Variants in SP3 observed in about 807,000 individuals in gnomAD.
The protein encoded by SP3 is Sp3 transcription factor.
SP3 carries 10 observed loss-of-function variants against 70.3 expected under a neutral mutation model. The ratio of observed to expected loss-of-function variants is 0.14; its 90% CI spans 0.09 to 0.24. The LOEUF is 0.24. Among genes scored for constraint, SP3 ranks in the 10% least tolerant of loss-of-function variants. SP3 has a pLI of 1.00. For missense variants in SP3, 825 were observed against 914.6 expected (o/e 0.90, Z 1.26); for synonymous variants, 402 against 333.5 (o/e 1.21, Z -2.24).
chr2:173,932,459 G>A (rs1307118158), intron 4 of SP3, among the ~76,000 whole-genome samples: 1 of 152,122 alleles, frequency 6.6e-6, no homozygotes, highest in Non-Finnish European at 1.5e-5. Flanking sequence ...CCAAAGTGCT[G>A]GGATTACAGG....
Position 173,908,979 on chromosome 2 carries a change from T to A in SP3, c.*962A>T, listed in dbSNP as rs1009225050. 6.6e-6 allele frequency: 1 copy of A among 152,426 alleles called. No individual in the cohort carries two copies. Among genetic ancestry groups the A allele is most frequent in the Non-Finnish European group, 1.5e-5 (1 of 67,896 alleles). The allele number at this position is 152,426 out of a possible 1,614,324, so 9.4% of individuals were successfully genotyped here. A position where few individuals can be genotyped will look rare whatever the true frequency, so the allele number is the denominator to read the frequency against. On this transcript the variant is annotated 3_prime_UTR_variant, in exon 7 of 7. Transcript: ENST00000310015. ...CTTCTATGACTAATATCCATATGGT[T>A]GGAGTATCGTCACTATGGAAGTGAT...
chr2:173,945,357 C>T (rs1690507653), intron 4 of SP3, among the ~76,000 whole-genome samples: 1 of 152,150 alleles, frequency 6.6e-6, no homozygotes, highest in Non-Finnish European at 1.5e-5. Flanking sequence ...AAAAACTACA[C>T]CTCAAAGTTT....
At chr2:173,944,059 CAT>C (rs1164441266) in intron 4 of SP3, among the ~76,000 whole-genome samples, 1 of 152,216 alleles carries the variant, frequency 6.6e-6, no homozygotes, top group Non-Finnish European at 1.5e-5. Flanking sequence ...GGACCACCAT[CAT>C]ATATGTGGTT....
At chr2:173,919,215 T>C (rs1285978835) in intron 4 of SP3, among the ~76,000 whole-genome samples, 3 of 152,218 alleles carry the variant, frequency 2.0e-5, no homozygotes, top group Admixed American at 1.3e-4. Flanking sequence ...AGTCAGTTCA[T>C]ATAGATGAGA....
At chr2:173,927,214 A>G (rs1689940692) in intron 4 of SP3, among the ~76,000 whole-genome samples, 2 of 151,902 alleles carry the variant, frequency 1.3e-5, no homozygotes, top group South Asian at 2.1e-4. Context: ...TTCCTCCCAC[A>G]TTGGGGATTA....
Position 173,963,940 on chromosome 2 carries a change from G to A in SP3, c.157-57C>T, listed in dbSNP as rs949038537. ...ACAGGGGGAGGGGGTGGCGGTTAGG[G>A]TCGGGCCGCCTTTCGCACAGGAAGT... On this transcript the variant is annotated intron_variant, in intron 2 of 6. Transcript: ENST00000310015. The A allele has an allele frequency of 8.3e-4, 1,045 of 1,266,202 alleles. 1 individual carries two copies. The highest frequency in any genetic ancestry group is 1.0e-3 in the Non-Finnish European group (968 of 952,780). 78.4% of individuals were successfully genotyped at this position (1,266,202 alleles called of 1,614,324 possible).
intron 5 of SP3, 108 bp from the exon 6 acceptor site, chr2:173,913,374 A>C (rs562067055): frequency 1.2e-6 from 1 of 836,986 alleles, no homozygotes; most frequent in South Asian, 4.5e-5. Context: ...AGACATTATC[A>C]TTACAAAGTC....
At position 173,904,699 on chromosome 2, in the gene SP3, T is replaced by C. The variant is rs1358994638; in HGVS notation, c.*5242A>G. Among the ~76,000 whole-genome samples, 1 of 152,214 alleles carries C rather than the reference T, an allele frequency of 6.6e-6. No homozygotes were observed. Among genetic ancestry groups the C allele is most frequent in the Non-Finnish European group, 1.5e-5 (1 of 68,044 alleles). ...CAACTTTGACCAGATGTCCACTCCT[T>C]GTCTGATTTCTGAACAGCTCCTCAC... On this transcript the variant is annotated 3_prime_UTR_variant, in exon 7 of 7. Coordinates refer to ENST00000310015, the MANE Select transcript of SP3 (RefSeq NM_003111.5).
rs892988279 is a variant in SP3, at chr2:173,902,087, G to C, written c.*7854C>G. ...GGACTACCACACCTGGGCAGGGCTT[G>C]ACTGAGAGATAGAAGGTGGAACCAG... On this transcript the variant is annotated 3_prime_UTR_variant, in exon 7 of 7. Coordinates refer to ENST00000310015, the MANE Select transcript of SP3 (RefSeq NM_003111.5). Among the ~76,000 whole-genome samples, 3 of 152,196 alleles carry C rather than the reference G, an allele frequency of 2.0e-5. No individual in the cohort carries two copies. The highest frequency in any genetic ancestry group is 1.3e-4 in the Admixed American group (2 of 15,282).
rs1174348131 is a variant in SP3 at position 173,964,684 on chromosome 2, C to CCGG, written c.8-134_8-132dup. On this transcript the variant is annotated intron_variant, in intron 1 of 6. Coordinates refer to ENST00000310015, the MANE Select transcript of SP3 (RefSeq NM_003111.5). ...CCCCTTCCCCTCCCCCACCCGCCCC[C>CCGG]CGGCGGCGGCGGCGGCGGCGGCTCC... 2.0e-3 allele frequency: 774 copies of CCGG among 378,268 alleles called. 6 individuals are homozygous for CCGG. The highest frequency in any genetic ancestry group is 2.9e-3 in the Middle Eastern group (4 of 1,366). 23.4% of individuals were successfully genotyped at this position (378,268 alleles called of 1,614,324 possible).
chr2:173,962,901 A>AT (rs776886993), intron 3 of SP3: 5 of 152,208 alleles, frequency 3.3e-5, no homozygotes, highest in Non-Finnish European at 7.3e-5. Flanking sequence ...AACCCCTCAT[A>AT]TAACACAGGC....
chr2:173,907,337 GAA>G lies in SP3; in HGVS notation c.*2602_*2603del, dbSNP rs1430330762. Reference sequence around the variant, plus strand: ...ACAATACTAATAGGTTTTATAACCAGAAAAAGTTGACATCAGAGCAAATCTTC... The same window carrying G: ...ACAATACTAATAGGTTTTATAACCAGAAAGTTGACATCAGAGCAAATCTTC... On this transcript the variant is annotated 3_prime_UTR_variant, in exon 7 of 7. Coordinates refer to ENST00000310015, the MANE Select transcript of SP3 (RefSeq NM_003111.5). The G allele has an allele frequency of 6.6e-6, 1 of 152,004 alleles. No individual in the cohort carries two copies. Among genetic ancestry groups the G allele is most frequent in the African/African-American group, 2.4e-5 (1 of 41,414 alleles). 9.4% of individuals were successfully genotyped at this position (152,004 alleles called of 1,614,324 possible).
Position 173,926,811 on chromosome 2 carries a change from T to TA in SP3, c.1640-8027dup, listed in dbSNP as rs926845893. 4.6e-5 allele frequency among the ~76,000 whole-genome samples: 7 copies of TA among 152,032 alleles called. No individual in the cohort carries two copies. In the South Asian group the frequency reaches 6.2e-4, roughly 14 times the overall value. ...CTTGAAGTCGTTTCTTAAAATATTC[T>TA]AAAAAAAATAGCCATGACAGAACAG... On this transcript the variant is annotated intron_variant, in intron 4 of 6. Coordinates refer to ENST00000310015, the MANE Select transcript of SP3 (RefSeq NM_003111.5).
At chr2:173,912,605 T>A (rs767921839) in intron 6 of SP3, among the ~76,000 whole-genome samples, 1 of 152,174 alleles carries the variant, frequency 6.6e-6, no homozygotes, top group Non-Finnish European at 1.5e-5. Flanking sequence ...CACATCAACA[T>A]TGCCTTGGTT....
chr2:173,962,766 A>C (rs2105507960), intron 3 of SP3, among the ~76,000 whole-genome samples: 1 of 152,194 alleles, frequency 6.6e-6, no homozygotes, highest in East Asian at 1.9e-4. Context: ...ATGATCCACC[A>C]CACACACACA....
intron 4 of SP3, among the ~76,000 whole-genome samples, chr2:173,948,492 C>T: frequency 6.6e-6 from 1 of 152,076 alleles, no homozygotes; most frequent in East Asian, 1.9e-4. Context: ...GTTTCAGGAT[C>T]CACTGGGGGT....
At chr2:173,956,335 T>C in intron 3 of SP3, 103 bp from the exon 4 acceptor site, 1 of 1,249,036 alleles carries the variant, frequency 8.0e-7, no homozygotes. Context: ...AAAATTCAAC[T>C]TATCTTAAAA....
intron 4 of SP3, among the ~76,000 whole-genome samples, chr2:173,928,928 T>C (rs961751035): frequency 5.9e-5 from 9 of 152,220 alleles, no homozygotes; most frequent in African/African-American, 1.7e-4. Flanking sequence ...AACACATTAA[T>C]CAGAATCAGT....
intron 3 of SP3, among the ~76,000 whole-genome samples, chr2:173,959,408 CA>C (rs900262692): frequency 7.3e-5 from 11 of 150,058 alleles, no homozygotes; most frequent in African/African-American, 2.2e-4. Context: ...ACTACAGAAA[CA>C]AAAGAATAAA....
Sources: allele counts gnomAD v4.1 joint callset (sites outside exome capture counted in the v4.1 genomes callset), GRCh38; gene constraint gnomAD v4.1.1; transcripts MANE v1.5; gene names NCBI Gene and HGNC (gene_info 2026-07-23, HGNC 2026-07-21).